CARMIL1: variants seen among roughly 807,000 people sequenced by gnomAD.
CARMIL1 encodes capping protein regulator and myosin 1 linker 1.
In CARMIL1, 90 loss-of-function variants were observed where a neutral mutation model predicts 177.1. The observed-to-expected ratio is 0.51, with a 90% confidence interval of 0.43 to 0.61. The LOEUF (loss-of-function observed/expected upper bound fraction) is 0.61, where lower values mean the gene tolerates loss of function less well. Ranked by LOEUF, CARMIL1 falls within the 20% of genes least tolerant of loss-of-function variation. The pLI, the probability that CARMIL1 is intolerant of heterozygous loss-of-function variation, is 0.00. For synonymous variants in CARMIL1, 577 were observed against 606.2 expected (o/e 0.95, Z 0.71); for missense variants, 1,380 against 1,667.0 (o/e 0.83, Z 3.00).
chr6:25,561,936 C>T (rs1261839073), intron 29 of CARMIL1, among the ~76,000 whole-genome samples: 1 of 152,134 alleles, frequency 6.6e-6, no homozygotes, highest in Non-Finnish European at 1.5e-5. Flanking sequence ...ACCTTTATTT[C>T]CAAATTCTAA....
At chr6:25,578,070 T>G (rs1471685876) in intron 29 of CARMIL1, among the ~76,000 whole-genome samples, 2 of 152,192 alleles carry the variant, frequency 1.3e-5, no homozygotes, top group African/African-American at 2.4e-5. Flanking sequence ...AGGCCTCAAG[T>G]TGACAGTGTT....
intron 36 of CARMIL1, among the ~76,000 whole-genome samples, chr6:25,611,920 T>G (rs1295593132): frequency 6.6e-6 from 1 of 152,198 alleles, no homozygotes; most frequent in Non-Finnish European, 1.5e-5. Context: ...CCCTGGAAGT[T>G]AGAAATAGAA....
chr6:25,334,931 A>C (rs568557265), intron 2 of CARMIL1, among the ~76,000 whole-genome samples: 1 of 152,190 alleles, frequency 6.6e-6, no homozygotes, highest in Non-Finnish European at 1.5e-5. Context: ...AACAATCTGA[A>C]ACCATAGGCC....
chr6:25,473,780 G>T lies in CARMIL1; in HGVS notation c.874+1259G>T, dbSNP rs79941280. ...TATACACCCGGGGGTGAGAATCTTG[G>T]GGACTATCTTAGAATTCTATTTACC... On this transcript the variant is annotated intron_variant, in intron 11 of 36. Coordinates refer to ENST00000329474, the MANE Select transcript of CARMIL1 (RefSeq NM_017640.6). Among the ~76,000 whole-genome samples, 58 of 152,222 alleles carry T rather than the reference G, an allele frequency of 3.8e-4. No individual in the cohort carries two copies. In the East Asian group the frequency reaches 0.01, roughly 27 times the overall value.
At chr6:25,312,951 G>T (rs1170507763) in intron 2 of CARMIL1, among the ~76,000 whole-genome samples, 1 of 150,938 alleles carries the variant, frequency 6.6e-6, no homozygotes, top group Non-Finnish European at 1.5e-5. Flanking sequence ...GGGAACGAGT[G>T]GAGAGAAGAA....
At chr6:25,440,216 T>G (rs554145232) in intron 5 of CARMIL1, among the ~76,000 whole-genome samples, 1 of 152,270 alleles carries the variant, frequency 6.6e-6, no homozygotes, top group African/African-American at 2.4e-5. Flanking sequence ...TGAGGTAACC[T>G]GAAGCAGATG....
At chr6:25,488,435 T>C in intron 12 of CARMIL1, 47 bp from the exon 13 acceptor site, 1 of 1,380,262 alleles carries the variant, frequency 7.2e-7, no homozygotes. Flanking sequence ...AAACCTCATT[T>C]TGTTTCCTGG....
intron 32 of CARMIL1, among the ~76,000 whole-genome samples, chr6:25,596,066 C>T (rs371448246): frequency 7.2e-5 from 11 of 152,070 alleles, no homozygotes; most frequent in Non-Finnish European, 1.2e-4. Context: ...GCATTCGATC[C>T]GAACTGTACA....
chr6:25,553,321 T>C (rs528021475), intron 27 of CARMIL1, among the ~76,000 whole-genome samples: 2 of 152,294 alleles, frequency 1.3e-5, no homozygotes, highest in African/African-American at 4.8e-5. Flanking sequence ...GAATACCAAA[T>C]TTGCAAAAAT....
chr6:25,380,931 A>G (rs980643007), intron 2 of CARMIL1, among the ~76,000 whole-genome samples: 5 of 152,188 alleles, frequency 3.3e-5, no homozygotes, highest in African/African-American at 7.2e-5. Flanking sequence ...TTTTGAGGGT[A>G]CACCTATCTT....
intron 2 of CARMIL1, among the ~76,000 whole-genome samples, chr6:25,364,258 A>T (rs1041620085): frequency 1.3e-5 from 2 of 152,086 alleles, no homozygotes; most frequent in African/African-American, 4.8e-5. Flanking sequence ...TTTAGATTTC[A>T]TAGGTTTTAC....
At chr6:25,373,189 G>T (rs1023701091) in intron 2 of CARMIL1, among the ~76,000 whole-genome samples, 3 of 151,980 alleles carry the variant, frequency 2.0e-5, no homozygotes, top group Non-Finnish European at 4.4e-5. Flanking sequence ...GTTGATTCAA[G>T]GGTATTGTTC....
At chr6:25,586,117 G>A (rs1483338977) in intron 31 of CARMIL1, among the ~76,000 whole-genome samples, 1 of 150,604 alleles carries the variant, frequency 6.6e-6, no homozygotes, top group Non-Finnish European at 1.5e-5. Flanking sequence ...CTCCCTAACG[G>A]GACGGCTGGC....
chr6:25,424,924 C>T (rs1796156606), intron 3 of CARMIL1, among the ~76,000 whole-genome samples: 1 of 152,100 alleles, frequency 6.6e-6, no homozygotes, highest in Non-Finnish European at 1.5e-5. Context: ...GTGGGCTTAA[C>T]TCAAAGAAAA....
At chr6:25,340,898 T>C (rs1274379198) in intron 2 of CARMIL1, among the ~76,000 whole-genome samples, 1 of 146,326 alleles carries the variant, frequency 6.8e-6, no homozygotes, top group Non-Finnish European at 1.5e-5. Flanking sequence ...GACCATGTAA[T>C]AAATGATTCC....
chr6:25,552,204 G>C (rs1052949178), intron 27 of CARMIL1, among the ~76,000 whole-genome samples: 1 of 152,112 alleles, frequency 6.6e-6, no homozygotes, highest in Admixed American at 6.5e-5. Context: ...CCTTCACTAG[G>C]TGTGCTTACT....
chr6:25,293,071 C>T (rs1037355111), intron 2 of CARMIL1, among the ~76,000 whole-genome samples: 3 of 151,356 alleles, frequency 2.0e-5, no homozygotes, highest in Non-Finnish European at 2.9e-5. Context: ...TTTTTGTTCC[C>T]TCTCTTATCC....
intron 17 of CARMIL1, among the ~76,000 whole-genome samples, chr6:25,505,743 A>C (rs1051524622): frequency 2.6e-5 from 4 of 152,200 alleles, no homozygotes; most frequent in Non-Finnish European, 5.9e-5. Flanking sequence ...ATGAGCTACT[A>C]TGCCTGGCCA....
intron 31 of CARMIL1, among the ~76,000 whole-genome samples, chr6:25,593,746 A>G (rs959713008): frequency 3.9e-5 from 6 of 152,142 alleles, no homozygotes; most frequent in Non-Finnish European, 8.8e-5. Context: ...TATGCCTCAC[A>G]TAACTGCAGA....
Sources: gnomAD v4.1 joint callset for allele counts (sites outside exome capture counted in the v4.1 genomes callset) on GRCh38, gnomAD v4.1.1 for gene constraint, MANE v1.5 for transcripts, NCBI Gene and HGNC (gene_info 2026-07-23, HGNC 2026-07-21) for gene names.